CDH3: variants seen among roughly 807,000 people sequenced by gnomAD.
CDH3 encodes cadherin-3.
Under a neutral mutation model 82.0 loss-of-function variants are expected in CDH3, and 54 were observed. The observed-to-expected ratio is 0.66, with a 90% CI of 0.53 to 0.83. CDH3 has a LOEUF of 0.83. CDH3 is among the 40% of genes least tolerant of loss of function. The pLI is 0.00. For synonymous variants in CDH3, 446 were observed against 437.9 expected (o/e 1.02, Z -0.23); for missense variants, 1,054 against 1,084.6 (o/e 0.97, Z 0.40).
intron 2 of CDH3, among the ~76,000 whole-genome samples, chr16:68,662,628 C>G (rs111467993): frequency 4.8e-5 from 7 of 146,878 alleles, no homozygotes; most frequent in Admixed American, 3.5e-4. Context: ...CTGCAAGAAG[C>G]TCCACCTCCG....
rs1188529500 is a variant in CDH3 at position 68,645,687 on chromosome 16, G to C, written c.97G>C (p.Glu33Gln). The stretch of plus-strand genomic sequence containing the variant: ...CGAGCCGTGCCGGGCGGTCTTCAGG[G>C]AGGCTGAAGTGACCTTGGAGGCGGG... ...ASEPCRAVFR[E>Q]AEVTLEAGGA... is the part of the protein sequence containing the mutation. The change falls in exon 2 of 16, where the codon GAG becomes CAG. Residue 33 changes from glutamate (E) to glutamine (Q), a missense_variant. Glu to Gln is a conservative substitution (Grantham distance 29, BLOSUM62 2). Transcript: ENST00000264012. The C allele has an allele frequency of 1.3e-6, 2 of 1,546,190 alleles. No individual in the cohort carries two copies. Among genetic ancestry groups the C allele is most frequent in the East Asian group, 2.4e-5 (1 of 40,922 alleles).
chr16:68,645,390 C>T lies in CDH3; in HGVS notation c.11C>T (p.Pro4Leu). Residue 4 changes from proline to leucine, a missense_variant, in exon 1 of 16, where the codon CCT becomes CTT. Transcript: ENST00000264012. The part of the protein sequence containing the change: MGL[P>L]RGPLASLLLL... ...CCTCTCTCTGCAGCCATGGGGCTCC[C>T]TCGTGGACCTCTCGCGTCTCTCCTC... is the stretch of plus-strand genomic sequence containing the variant. 1 of 1,613,488 alleles carries T rather than the reference C, an allele frequency of 6.2e-7. No homozygotes were observed. The highest frequency in any genetic ancestry group is 8.5e-7 in the Non-Finnish European group (1 of 1,179,774).
chr16:68,649,306 A>G (rs1370015329), intron 2 of CDH3, among the ~76,000 whole-genome samples: 2 of 152,224 alleles, frequency 1.3e-5, no homozygotes, highest in Non-Finnish European at 2.9e-5. Flanking sequence ...TCCAAGTTCA[A>G]TAATGCATCT....
At chr16:68,705,179 A>T (rs1961944968), downstream of CDH3, among the ~76,000 whole-genome samples, 1 of 152,144 alleles carries the variant, frequency 6.6e-6, no homozygotes, top group African/African-American at 2.4e-5. Context: ...ACAATTAAGG[A>T]TATAAACTCC....
In CDH3 at chr16:68,645,813, C is replaced by G. The variant is rs188043769; in HGVS notation, c.160+63C>G. ...CACGTGACCATTTTGGTGTGGACCGCGCGAGGGGTGTTCGGGCCGGGGCAA... is the reference window on the plus strand; with the variant it reads ...CACGTGACCATTTTGGTGTGGACCGGGCGAGGGGTGTTCGGGCCGGGGCAA... On this transcript the variant is annotated intron_variant, in intron 2 of 15. Coordinates refer to ENST00000264012, the MANE Select transcript of CDH3 (RefSeq NM_001793.6). 9.4e-5 allele frequency: 120 copies of G among 1,272,426 alleles called. No individual in the cohort carries two copies. The African/African-American group carries it at 1.6e-3, about 17-fold the overall frequency. The allele number at this position is 1,272,426 out of a possible 1,614,324, so 78.8% of individuals were successfully genotyped here.
chr16:68,659,756 T>G (rs1960508994), intron 2 of CDH3, among the ~76,000 whole-genome samples: 1 of 149,712 alleles, frequency 6.7e-6, no homozygotes, highest in African/African-American at 2.4e-5. Context: ...TTCTACTCTC[T>G]TAAGGGCAAG....
downstream of CDH3, among the ~76,000 whole-genome samples, chr16:68,730,231 TA>T (rs35972238): frequency 0.79 from 106,114 of 133,556 alleles, 42,342 homozygotes; most frequent in Non-Finnish European, 0.87. Flanking sequence ...AGACTCCACC[TA>T]AAAAAAAAAA....
chr16:68,672,205 T>TA (rs1567444935), intron 2 of CDH3, among the ~76,000 whole-genome samples: 1 of 143,676 alleles, frequency 7.0e-6, no homozygotes, highest in Non-Finnish European at 1.5e-5. Flanking sequence ...AAAAAAAAAA[T>TA]AAATAAATAA....
chr16:68,689,656 C>T (rs1961511018), intron 12 of CDH3, among the ~76,000 whole-genome samples: 1 of 152,066 alleles, frequency 6.6e-6, no homozygotes, highest in South Asian at 2.1e-4. Flanking sequence ...GTGACATATA[C>T]CCCATGTTGG....
At position 68,687,037 on chromosome 16, in the gene CDH3, G is replaced by A. The variant is rs894291571; in HGVS notation, c.1571-475G>A. ...TTTTTGGTTCACTGGGTCCTGAATT[G>A]GCCTGTCAGTTTTCCCTTGTGATTG... On this transcript the variant is annotated intron_variant, in intron 11 of 15. Transcript: ENST00000264012. 2.0e-5 allele frequency among the ~76,000 whole-genome samples: 3 copies of A among 152,322 alleles called. No individual in the cohort carries two copies. The East Asian group carries it at 5.8e-4, about 29-fold the overall frequency.
intron 1 of CDH3, 97 bp downstream of exon 1, chr16:68,645,521 G>A: frequency 6.7e-7 from 1 of 1,482,390 alleles, no homozygotes; most frequent in Non-Finnish European, 9.2e-7. Flanking sequence ...GCGCGGGGCT[G>A]CGCTCCCTGG....
intron 2 of CDH3, among the ~76,000 whole-genome samples, chr16:68,669,616 CG>C (rs10590233): frequency 5.6e-5 from 7 of 125,468 alleles, no homozygotes; most frequent in Middle Eastern, 3.6e-3. Flanking sequence ...GGTGGGGTGG[CG>C]GGGGGGGTGG....
chr16:68,646,079 C>A lies in CDH3; in HGVS notation c.160+329C>A. On this transcript the variant is annotated intron_variant, in intron 2 of 15. Transcript: ENST00000264012. ...GGCCCCAGCAGAGGAATGCGCCGGCCACATTCTTCCCCCAACCCGCGCGCA... is the reference window on the plus strand; with the variant it reads ...GGCCCCAGCAGAGGAATGCGCCGGCAACATTCTTCCCCCAACCCGCGCGCA... The A allele has an allele frequency of 8.2e-6, 3 of 365,990 alleles. No individual in the cohort carries two copies. In the South Asian group the frequency reaches 1.0e-4, roughly 12 times the overall value. The allele number at this position is 365,990 out of a possible 1,614,324, so 22.7% of individuals were successfully genotyped here. A position where few individuals can be genotyped will look rare whatever the true frequency, so the allele number is the denominator to read the frequency against.
chr16:68,651,393 C>T (rs1960239634), intron 2 of CDH3: 2 of 552,102 alleles, frequency 3.6e-6, no homozygotes, highest in Non-Finnish European at 7.3e-6. Flanking sequence ...GTAGAGATGC[C>T]TCCTTGTGCC....
At chr16:68,704,286 CAA>C (rs922482618), downstream of CDH3, among the ~76,000 whole-genome samples, 23 of 100,468 alleles carry the variant, frequency 2.3e-4, no homozygotes, top group Admixed American at 9.2e-4. Context: ...GACTTCGTCT[CAA>C]AAAAAAAAAA....
chr16:68,695,156 G>A, intron 13 of CDH3, 99 bp from the exon 14 acceptor site: 1 of 1,253,492 alleles, frequency 8.0e-7, no homozygotes, highest in South Asian at 1.2e-5. Context: ...TCTGGCTACT[G>A]AGTGAGGACA....
chr16:68,714,024 C>T (rs552755866), intron 1 of CDH3, among the ~76,000 whole-genome samples: 30 of 152,120 alleles, frequency 2.0e-4, no homozygotes, highest in Admixed American at 1.7e-3. Context: ...ACCTCCGCCC[C>T]CTGGGTTCAA....
At chr16:68,667,054 A>G (rs1331840521) in intron 2 of CDH3, among the ~76,000 whole-genome samples, 1 of 152,102 alleles carries the variant, frequency 6.6e-6, no homozygotes, top group African/African-American at 2.4e-5. Flanking sequence ...ATATTCCCCC[A>G]CCCCTAGCAA....
Position 68,660,979 on chromosome 16 carries a change from AAAAG to A in CDH3, c.160+15232_160+15235del, listed in dbSNP as rs1401770273. On this transcript the variant is annotated intron_variant, in intron 2 of 15. Coordinates refer to ENST00000264012, the MANE Select transcript of CDH3 (RefSeq NM_001793.6). ...AAGACTCCGTCTCAAAAAAAAAAAAAAAAGAAGAAAATTACAAATAATTCATAAT... is the reference window on the plus strand; with the variant it reads ...AAGACTCCGTCTCAAAAAAAAAAAAAAAGAAAATTACAAATAATTCATAAT... Among the ~76,000 whole-genome samples the A allele has an allele frequency of 4.6e-3, 707 of 152,056 alleles. 5 individuals are homozygous for A. Among genetic ancestry groups the A allele is most frequent in the African/African-American group, 0.016 (655 of 41,464 alleles).
Sources: allele counts gnomAD v4.1 joint callset (sites outside exome capture counted in the v4.1 genomes callset), GRCh38; gene constraint gnomAD v4.1.1; transcripts MANE v1.5; gene names NCBI Gene and HGNC (gene_info 2026-07-23, HGNC 2026-07-21).